Variants in PRAMEF15 observed in about 807,000 individuals in gnomAD.
PRAMEF15 encodes PRAME family member 9/15.
In PRAMEF15, 21 loss-of-function variants were observed where a neutral mutation model predicts 35.3. The ratio of observed to expected loss-of-function variants is 0.59; its 90% CI spans 0.42 to 0.86. The LOEUF (loss-of-function observed/expected upper bound fraction) is 0.86. Among genes scored for constraint, PRAMEF15 ranks in the 40% least tolerant of loss-of-function variants. The pLI is 0.00. For missense variants in PRAMEF15, 360 were observed against 574.1 expected, an observed-to-expected ratio of 0.63 and a Z score of 3.81; for synonymous variants, 122 against 223.3, an observed-to-expected ratio of 0.55 and a Z score of 4.05.
chr1:13,322,256 T>C lies in PRAMEF15; in HGVS notation c.1429T>C (p.Cys477Arg). Reference sequence around the variant, plus strand: ...TTATGACCTGGAGGCAGATCAATACTGCTGTTGAATGCCTGCCTATTTGGA... The same window carrying C: ...TTATGACCTGGAGGCAGATCAATACCGCTGTTGAATGCCTGCCTATTTGGA... ...SFYDLEADQY[C>R]C The change falls in exon 4 of 4, where the codon TGC (cysteine) becomes CGC (arginine). Residue 477 changes from cysteine to arginine, a missense_variant. Coordinates refer to ENST00000376152, the MANE Select transcript of PRAMEF15 (RefSeq NM_001098376.3). 6.4e-7 allele frequency: 1 copy of C among 1,551,818 alleles called. No individual in the cohort carries two copies. The highest frequency in any genetic ancestry group is 8.8e-7 in the Non-Finnish European group (1 of 1,133,558).
chr1:13,318,490 C>A lies in PRAMEF15; in HGVS notation c.83C>A (p.Ser28Tyr), dbSNP rs1173109304. 3.7e-6 allele frequency: 6 copies of A among 1,613,992 alleles called. No individual in the cohort carries two copies. The East Asian group carries it at 1.3e-4, about 36-fold the overall frequency. The change falls in exon 2 of 4, where the codon TCC becomes TAC. Residue 28 changes from serine (S) to tyrosine (Y), a missense_variant. Coordinates refer to ENST00000376152, the MANE Select transcript of PRAMEF15 (RefSeq NM_001098376.3). ...SLLRDQALAM[S>Y]TLEELPTELF... ...CTGAGGGACCAAGCTTTGGCCATGTCCACCCTGGAGGAGCTGCCCACAGAA... is the reference window on the plus strand; with the variant it reads ...CTGAGGGACCAAGCTTTGGCCATGTACACCCTGGAGGAGCTGCCCACAGAA...
At chr1:13,315,776 T>TTTA (rs1639995039) in intron 1 of PRAMEF15, 118 bp downstream of exon 1, 6 of 140,980 alleles carry the variant, frequency 4.3e-5, no homozygotes, top group African/African-American at 1.5e-4. Flanking sequence ...TTTTTTTTTT[T>TTTA]ATATGAACAA....
chr1:13,319,173 G>C (rs1477079326), intron 2 of PRAMEF15, among the ~76,000 whole-genome samples, 199 bp from the exon 3 acceptor site: 30 of 148,728 alleles, frequency 2.0e-4, no homozygotes, highest in Middle Eastern at 3.5e-3. Flanking sequence ...TAGCCTGGGC[G>C]ACACAGGGAG....
At chr1:13,318,281 T>C (rs1349364510) in intron 1 of PRAMEF15, 111 bp from the exon 2 acceptor site, 30 of 1,577,270 alleles carry the variant, frequency 1.9e-5, no homozygotes, top group African/African-American at 1.4e-5. Context: ...TGGAGTAAAC[T>C]GAGGACTCTT....
chr1:13,319,159 A>C (rs1328186296), intron 2 of PRAMEF15, among the ~76,000 whole-genome samples: 5 of 150,368 alleles, frequency 3.3e-5, no homozygotes, highest in African/African-American at 1.2e-4. Context: ...ACACCACTGC[A>C]CTCTAGCCTG....
At chr1:13,317,434 C>G (rs1640020422) in intron 1 of PRAMEF15, among the ~76,000 whole-genome samples, 1 of 151,870 alleles carries the variant, frequency 6.6e-6, no homozygotes, top group African/African-American at 2.4e-5. Flanking sequence ...GCGAATGATG[C>G]ATAACAGTGT....
chr1:13,319,186 T>G (rs1386825346), intron 2 of PRAMEF15, among the ~76,000 whole-genome samples, 186 bp from the exon 3 acceptor site: 3 of 148,224 alleles, frequency 2.0e-5, no homozygotes, highest in African/African-American at 7.5e-5. Flanking sequence ...ACAGGGAGAC[T>G]TGGTCTCAAA....
intron 3 of PRAMEF15, 34 bp downstream of exon 3, chr1:13,319,987 A>G: frequency 6.2e-7 from 1 of 1,609,994 alleles, no homozygotes; most frequent in South Asian, 1.1e-5. Context: ...TCTGCAGACC[A>G]CAGCAGAGCC....
chr1:13,322,083 G>A lies in PRAMEF15; in HGVS notation c.1256G>A (p.Arg419Gln), dbSNP rs1222960397. Residue 419 changes from arginine to glutamine, a missense_variant, in exon 4 of 4, where the codon CGA (arginine) becomes CAA (glutamine). Around this residue, in one of 8 missense-constraint regions of PRAMEF15, gnomAD observed 147 missense variants for 123.5 expected, o/e 1.19. Coordinates refer to ENST00000376152, the MANE Select transcript of PRAMEF15 (RefSeq NM_001098376.3). ...TGTGTGGAGCTGTATCCTGCCCCCC[G>A]AGAGAGTTATGGTGCTGATGGTACT... is the stretch of plus-strand genomic sequence containing the variant. ...NLCVELYPAP[R>Q]ESYGADGTLC... is the part of the protein sequence containing the mutation. 7,882 of 1,608,700 alleles carry A rather than the reference G, an allele frequency of 4.9e-3. 420 individuals are homozygous for A. In the African/African-American group the frequency reaches 0.088, roughly 18 times the overall value.
At chr1:13,321,130 G>A (rs1167507885) in intron 3 of PRAMEF15, among the ~76,000 whole-genome samples, 3 of 151,682 alleles carry the variant, frequency 2.0e-5, no homozygotes, top group African/African-American at 7.3e-5. Context: ...GACAGATGAG[G>A]AAAGGGAGCT....
chr1:13,315,963 C>T (rs1487633935), intron 1 of PRAMEF15, among the ~76,000 whole-genome samples: 72 of 149,824 alleles, frequency 4.8e-4, no homozygotes, highest in African/African-American at 1.7e-3. Flanking sequence ...GATTTGAGAC[C>T]AACCTGGACA....
At chr1:13,319,229 C>T (rs370114124) in intron 2 of PRAMEF15, 143 bp from the exon 3 acceptor site, 53,345 of 1,305,592 alleles carry the variant, frequency 0.041, 2,087 homozygotes, top group East Asian at 0.23. Flanking sequence ...TGGAAGTGGG[C>T]AGGATCCAAG....
chr1:13,318,370 C>T, intron 1 of PRAMEF15, 22 bp from the exon 2 acceptor site: 1 of 1,570,608 alleles, frequency 6.4e-7, no homozygotes. Context: ...GATGCCTCTT[C>T]TCTGGGTTTG....
chr1:13,316,379 C>A (rs1468178669), intron 1 of PRAMEF15, among the ~76,000 whole-genome samples: 2 of 151,602 alleles, frequency 1.3e-5, no homozygotes, highest in South Asian at 2.1e-4. Flanking sequence ...GAGCCATGCT[C>A]ATACCACTGC....
chr1:13,319,058 G>A (rs1439023427), intron 2 of PRAMEF15, among the ~76,000 whole-genome samples: 2 of 152,032 alleles, frequency 1.3e-5, no homozygotes, highest in African/African-American at 2.4e-5. Context: ...GCTGGGCATG[G>A]TGGTGGGTTC....
Position 13,318,386 on chromosome 1 carries a change from T to C in PRAMEF15, c.-16-6T>C, listed in dbSNP as rs1168596564. ...ATGCCTCTTCTCTGGGTTTGTCCTCTGGAAGTTTTCCCTGCAGATTCATGA... is the reference window on the plus strand; with the variant it reads ...ATGCCTCTTCTCTGGGTTTGTCCTCCGGAAGTTTTCCCTGCAGATTCATGA... On this transcript the variant is annotated splice_region_variant and splice_polypyrimidine_tract_variant and intron_variant, in intron 1 of 3. Coordinates refer to ENST00000376152, the MANE Select transcript of PRAMEF15 (RefSeq NM_001098376.3). The C allele has an allele frequency of 3.7e-6, 6 of 1,611,262 alleles. No individual in the cohort carries two copies. In the African/African-American group the frequency reaches 6.7e-5, roughly 18 times the overall value.
chr1:13,317,229 C>T (rs1326606377), intron 1 of PRAMEF15, among the ~76,000 whole-genome samples: 1 of 151,586 alleles, frequency 6.6e-6, no homozygotes, highest in South Asian at 2.1e-4. Flanking sequence ...ACCACTGCAC[C>T]TGGCTAATTT....
chr1:13,318,282 G>C (rs1205166572), intron 1 of PRAMEF15, 110 bp from the exon 2 acceptor site: 7 of 1,578,612 alleles, frequency 4.4e-6, no homozygotes, highest in Non-Finnish European at 5.2e-6. Flanking sequence ...GGAGTAAACT[G>C]AGGACTCTTT....
chr1:13,317,443 G>C (rs1457883899), intron 1 of PRAMEF15, among the ~76,000 whole-genome samples: 1 of 151,892 alleles, frequency 6.6e-6, no homozygotes, highest in Non-Finnish European at 1.5e-5. Flanking sequence ...GCATAACAGT[G>C]TCACATAGCT....
Sources: gnomAD v4.1 joint callset for allele counts (sites outside exome capture counted in the v4.1 genomes callset) on GRCh38, gnomAD v4.1.1 for gene constraint, gnomAD v4.1.1 regional missense constraint, MANE v1.5 for transcripts, NCBI Gene and HGNC (gene_info 2026-07-23, HGNC 2026-07-21) for gene names.